Variants in MMP16 observed in about 807,000 individuals in gnomAD.
The protein encoded by MMP16 is matrix metalloproteinase-16.
Under a neutral mutation model 67.8 loss-of-function variants are expected in MMP16, and 12 were observed. The ratio of observed to expected loss-of-function variants is 0.18; its 90% CI spans 0.11 to 0.29. The LOEUF (loss-of-function observed/expected upper bound fraction) is 0.29, where lower values mean the gene tolerates loss of function less well. Among genes scored for constraint, MMP16 ranks in the 10% least tolerant of loss-of-function variants. The pLI, the probability that MMP16 is intolerant of heterozygous loss-of-function variation, is 1.00. For synonymous variants in MMP16, 249 were observed against 255.9 expected (o/e 0.97, Z 0.26); for missense variants, 475 against 765.7 (o/e 0.62, Z 4.48).
At chr8:88,159,467 C>A (rs1336000903) in intron 4 of MMP16, among the ~76,000 whole-genome samples, 1 of 152,246 alleles carries the variant, frequency 6.6e-6, no homozygotes, top group South Asian at 2.1e-4. Flanking sequence ...CTCTGTTTGT[C>A]TGTTATTGGT....
At chr8:88,085,447 C>T (rs566502381) in intron 6 of MMP16, among the ~76,000 whole-genome samples, 2 of 152,094 alleles carry the variant, frequency 1.3e-5, no homozygotes, top group South Asian at 2.1e-4. Flanking sequence ...TTTGCAGGCA[C>T]GGTTTTCAGG....
At chr8:88,261,100 G>A (rs762960580) in intron 1 of MMP16, among the ~76,000 whole-genome samples, 1 of 152,244 alleles carries the variant, frequency 6.6e-6, no homozygotes, top group South Asian at 2.1e-4. Flanking sequence ...TTGTCTTGAA[G>A]ATATGCCTCA....
At position 88,151,445 on chromosome 8, in the gene MMP16, T is replaced by C. The variant is rs200610553; in HGVS notation, c.709+16224A>G. The stretch of plus-strand genomic sequence containing the variant: ...GCACCACACCACACCTATTCCAAAA[T>C]TGACCACATAGTTGGAAGTAAAGCA... On this transcript the variant is annotated intron_variant, in intron 4 of 9. Transcript: ENST00000286614. 7.3e-4 allele frequency among the ~76,000 whole-genome samples: 110 copies of C among 150,784 alleles called. 1 individual carries two copies. In the East Asian group the frequency reaches 0.012, roughly 16 times the overall value.
intron 4 of MMP16, among the ~76,000 whole-genome samples, chr8:88,141,133 A>T (rs916903645): frequency 3.9e-5 from 6 of 152,182 alleles, no homozygotes; most frequent in Admixed American, 1.3e-4. Flanking sequence ...TTTCTTGTGA[A>T]AAAAGTTTGG....
At chr8:88,208,145 G>A (rs1482546167) in intron 1 of MMP16, among the ~76,000 whole-genome samples, 2 of 150,752 alleles carry the variant, frequency 1.3e-5, no homozygotes, top group Admixed American at 6.7e-5. Context: ...CCCTATTCTG[G>A]AAAAAATATC....
chr8:88,303,187 G>C (rs182576107), intron 1 of MMP16, among the ~76,000 whole-genome samples: 1 of 152,176 alleles, frequency 6.6e-6, no homozygotes, highest in Admixed American at 6.5e-5. Context: ...ACACCCGGGG[G>C]CGGGGCTGAA....
chr8:88,178,951 A>G (rs1165266301), intron 3 of MMP16, among the ~76,000 whole-genome samples: 1 of 152,086 alleles, frequency 6.6e-6, no homozygotes, highest in Admixed American at 6.5e-5. Flanking sequence ...AAGCAGAAAA[A>G]AAGAGAATGA....
At chr8:88,056,794 C>G (rs1808338415) in intron 7 of MMP16, among the ~76,000 whole-genome samples, 1 of 152,080 alleles carries the variant, frequency 6.6e-6, no homozygotes, top group African/African-American at 2.4e-5. Flanking sequence ...ATTCATCCTC[C>G]CTTGACCTCA....
At chr8:88,259,325 T>C (rs970386815) in intron 1 of MMP16, among the ~76,000 whole-genome samples, 7 of 152,172 alleles carry the variant, frequency 4.6e-5, no homozygotes, top group African/African-American at 1.2e-4. Flanking sequence ...AAAGAGAGTA[T>C]ATTATGATGA....
At chr8:88,192,912 T>TG (rs571814386) in intron 2 of MMP16, among the ~76,000 whole-genome samples, 17 of 152,018 alleles carry the variant, frequency 1.1e-4, no homozygotes, top group Non-Finnish European at 2.4e-4. Flanking sequence ...TAATGAAAGC[T>TG]GGGGGGCATC....
chr8:88,321,411 G>T (rs1405747628), intron 1 of MMP16, among the ~76,000 whole-genome samples: 1 of 152,008 alleles, frequency 6.6e-6, no homozygotes, highest in Non-Finnish European at 1.5e-5. Flanking sequence ...GATGATATTT[G>T]TTTCTCAAAA....
intron 1 of MMP16, among the ~76,000 whole-genome samples, chr8:88,238,374 G>A (rs1161116994): frequency 2.0e-5 from 3 of 152,014 alleles, no homozygotes; most frequent in African/African-American, 7.2e-5. Context: ...TTAGCCGGGT[G>A]CAGCCGGGCC....
At chr8:88,204,081 C>T (rs1035833835) in intron 1 of MMP16, among the ~76,000 whole-genome samples, 1 of 152,190 alleles carries the variant, frequency 6.6e-6, no homozygotes, top group Non-Finnish European at 1.5e-5. Context: ...ATGACCTATT[C>T]CAACTGTCAT....
intron 4 of MMP16, among the ~76,000 whole-genome samples, chr8:88,125,925 T>C (rs1807923143): frequency 6.6e-6 from 1 of 151,880 alleles, no homozygotes; most frequent in Admixed American, 6.6e-5. Flanking sequence ...AGAGATCAAC[T>C]TCACTGACTG....
chr8:88,288,436 G>A (rs1810868211), intron 1 of MMP16, among the ~76,000 whole-genome samples: 1 of 152,008 alleles, frequency 6.6e-6, no homozygotes, highest in Non-Finnish European at 1.5e-5. Context: ...TATTTCAAAA[G>A]ATGCTGGGAA....
At chr8:88,168,015 AG>A in intron 3 of MMP16, 42 bp from the exon 4 acceptor site, 1 of 1,461,740 alleles carries the variant, frequency 6.8e-7, no homozygotes, top group Non-Finnish European at 9.3e-7. Flanking sequence ...GTTATGTATA[AG>A]CTAACTTAGT....
At chr8:88,173,136 A>G (rs1474113909) in intron 3 of MMP16, among the ~76,000 whole-genome samples, 39 of 152,070 alleles carry the variant, frequency 2.6e-4, no homozygotes, top group Admixed American at 2.6e-3. Context: ...TGCATCCCCT[A>G]TCTCCCTGGG....
At chr8:88,318,483 T>C (rs1291312391) in intron 1 of MMP16, among the ~76,000 whole-genome samples, 4 of 152,210 alleles carry the variant, frequency 2.6e-5, no homozygotes, top group Admixed American at 6.5e-5. Flanking sequence ...TACATCATTT[T>C]AGTTTGGAAT....
chr8:88,160,382 T>G (rs375088548), intron 4 of MMP16, among the ~76,000 whole-genome samples: 1 of 152,158 alleles, frequency 6.6e-6, no homozygotes, highest in East Asian at 1.9e-4. Context: ...TGTTGGACAT[T>G]TGGGTTGGTT....
Sources: gnomAD v4.1 joint callset for allele counts (sites outside exome capture counted in the v4.1 genomes callset) on GRCh38, gnomAD v4.1.1 for gene constraint, MANE v1.5 for transcripts, NCBI Gene and HGNC (gene_info 2026-07-23, HGNC 2026-07-21) for gene names.